The following ZFYVE9 variants were observed in gnomAD, a reference collection of about 807,000 sequenced individuals.
ZFYVE9 encodes the protein zinc finger FYVE-type containing 9.
Under a neutral mutation model 126.7 loss-of-function variants are expected in ZFYVE9, and 43 were observed. The observed-to-expected ratio is 0.34, with a 90% CI of 0.27 to 0.44. The LOEUF is 0.44. ZFYVE9 is among the 20% of genes least tolerant of loss of function. The probability of loss-of-function intolerance (pLI) is 1.00; values close to 1 mark genes in which losing one functional copy is unlikely to be tolerated. For synonymous variants in ZFYVE9, 521 were observed against 597.4 expected (o/e 0.87, Z 1.87); for missense variants, 1,476 against 1,697.0 (o/e 0.87, Z 2.29).
chr1:52,299,044 A>G (rs892649598), intron 12 of ZFYVE9, among the ~76,000 whole-genome samples: 6 of 151,768 alleles, frequency 4.0e-5, no homozygotes, highest in African/African-American at 1.2e-4. Context: ...TCCTGACCTC[A>G]TGATCCGCCC....
chr1:52,283,855 G>C (rs997264656), intron 10 of ZFYVE9, among the ~76,000 whole-genome samples: 7 of 152,058 alleles, frequency 4.6e-5, no homozygotes, highest in African/African-American at 1.7e-4. Flanking sequence ...ATAATATATA[G>C]ATTATACCTC....
intron 4 of ZFYVE9, among the ~76,000 whole-genome samples, chr1:52,262,826 C>A (rs1373050067): frequency 6.6e-6 from 1 of 152,034 alleles, no homozygotes; most frequent in African/African-American, 2.4e-5. Flanking sequence ...AATCCCAGCA[C>A]TTTGGGAGGC....
At chr1:52,311,512 G>A (rs1466998160) in intron 13 of ZFYVE9, among the ~76,000 whole-genome samples, 6 of 151,806 alleles carry the variant, frequency 4.0e-5, no homozygotes, top group Middle Eastern at 3.4e-3. Flanking sequence ...TGTTCTGTCC[G>A]CCTCAGCCTC....
intron 1 of ZFYVE9, among the ~76,000 whole-genome samples, chr1:52,196,704 G>A (rs1200950808): frequency 6.6e-6 from 1 of 152,118 alleles, no homozygotes; most frequent in Non-Finnish European, 1.5e-5. Flanking sequence ...ATTATTAATT[G>A]TATAGCATTT....
chr1:52,208,989 T>C (rs1369185711), intron 1 of ZFYVE9, among the ~76,000 whole-genome samples: 2 of 152,242 alleles, frequency 1.3e-5, no homozygotes, highest in African/African-American at 4.8e-5. Context: ...TATTTTAATT[T>C]GATTTACAAG....
At chr1:52,235,020 G>C (rs1028877767) in intron 3 of ZFYVE9, among the ~76,000 whole-genome samples, 3 of 152,082 alleles carry the variant, frequency 2.0e-5, no homozygotes, top group African/African-American at 7.2e-5. Flanking sequence ...CTATTAGGGT[G>C]CTTTGTGTAT....
chr1:52,148,244 G>A (rs1468919190), intron 1 of ZFYVE9, among the ~76,000 whole-genome samples: 13 of 152,014 alleles, frequency 8.6e-5, no homozygotes, highest in Admixed American at 5.9e-4. Flanking sequence ...GGAGGCTGAG[G>A]TGGGCCGATC....
chr1:52,321,037 A>T (rs1646235600), intron 13 of ZFYVE9, among the ~76,000 whole-genome samples: 1 of 152,230 alleles, frequency 6.6e-6, no homozygotes, highest in East Asian at 1.9e-4. Flanking sequence ...ATAGGAATAG[A>T]GAAGTTTATG....
At chr1:52,341,265 G>T (rs1272585651) in intron 17 of ZFYVE9, among the ~76,000 whole-genome samples, 1 of 152,170 alleles carries the variant, frequency 6.6e-6, no homozygotes, top group South Asian at 2.1e-4. Flanking sequence ...TAATTAACTT[G>T]CTCAAGATTA....
chr1:52,229,501 A>C lies in ZFYVE9; in HGVS notation c.-36-3670A>C, dbSNP rs373295485. On this transcript the variant is annotated intron_variant, in intron 2 of 18. Coordinates refer to ENST00000287727, the MANE Select transcript of ZFYVE9 (RefSeq NM_004799.4). ...TTTCTTCCCCAATAATAATTTACTT[A>C]ATAGTTTAGCATCCATTTTTGATGC... 1.6e-4 allele frequency among the ~76,000 whole-genome samples: 25 copies of C among 152,368 alleles called. No individual in the cohort carries two copies. In the East Asian group the frequency reaches 4.4e-3, roughly 27 times the overall value.
intron 13 of ZFYVE9, among the ~76,000 whole-genome samples, chr1:52,310,259 C>T (rs567721906): frequency 1.3e-5 from 2 of 152,198 alleles, no homozygotes; most frequent in African/African-American, 4.8e-5. Context: ...TTGCACTGGG[C>T]CTCATGTTGT....
intron 2 of ZFYVE9, among the ~76,000 whole-genome samples, chr1:52,217,500 G>A (rs1383340569): frequency 2.0e-5 from 3 of 152,176 alleles, no homozygotes; most frequent in Admixed American, 6.5e-5. Context: ...ATCAAGGTGC[G>A]AGAGCTTATC....
chr1:52,313,631 A>G (rs906528539), intron 13 of ZFYVE9, among the ~76,000 whole-genome samples: 53 of 152,232 alleles, frequency 3.5e-4, no homozygotes, highest in African/African-American at 1.3e-3. Context: ...AGCCAGAGTG[A>G]CAAAGGTTCT....
intron 2 of ZFYVE9, among the ~76,000 whole-genome samples, chr1:52,220,434 C>T (rs573791112): frequency 3.9e-5 from 6 of 152,296 alleles, no homozygotes; most frequent in Non-Finnish European, 8.8e-5. Flanking sequence ...AGATGGTCTA[C>T]TATGACTAGT....
chr1:52,261,915 A>G (rs2147795271), intron 4 of ZFYVE9, among the ~76,000 whole-genome samples: 2 of 152,348 alleles, frequency 1.3e-5, no homozygotes, highest in Admixed American at 1.3e-4. Flanking sequence ...GTAATTTAGT[A>G]TGAAGTAGTA....
chr1:52,318,370 ATGTG>A (rs59683935), intron 13 of ZFYVE9, among the ~76,000 whole-genome samples: 6,249 of 144,284 alleles, frequency 0.043, 360 homozygotes, highest in African/African-American at 0.14. Flanking sequence ...GCATGATTGT[ATGTG>A]TGTGTGTGTG....
Position 52,189,062 on chromosome 1 carries a change from C to G in ZFYVE9, c.-142-27307C>G, listed in dbSNP as rs914242196. Among the ~76,000 whole-genome samples the G allele has an allele frequency of 2.0e-5, 3 of 151,762 alleles. No homozygotes were observed. In the South Asian group the frequency reaches 6.2e-4, roughly 32 times the overall value. ...GAGTGATTCTTCTGCCTCAGCCTCCCGAGTAGGTGGGATTACAGGCACCTA... is the reference window on the plus strand; with the variant it reads ...GAGTGATTCTTCTGCCTCAGCCTCCGGAGTAGGTGGGATTACAGGCACCTA... On this transcript the variant is annotated intron_variant, in intron 1 of 18. Transcript: ENST00000287727.
At chr1:52,293,785 T>G (rs1322166266) in intron 11 of ZFYVE9, 108 bp downstream of exon 11, 2 of 1,112,114 alleles carry the variant, frequency 1.8e-6, no homozygotes, top group African/African-American at 3.2e-5. Context: ...TCTTTTGAAA[T>G]AGCTAAACTA....
rs377487057 is a variant in ZFYVE9 at position 52,263,763 on chromosome 1, C to G, written c.2179-10C>G. 19,577 of 995,132 alleles carry G rather than the reference C, an allele frequency of 0.02. 2,616 individuals are homozygous for G. The highest frequency in any genetic ancestry group is 0.11 in the Middle Eastern group (470 of 4,444). The allele number at this position is 995,132 out of a possible 1,614,324, so 61.6% of individuals were successfully genotyped here. On this transcript the variant is annotated splice_polypyrimidine_tract_variant and intron_variant, in intron 4 of 18. Transcript: ENST00000287727. ...AATTTTGTGTGTTCTTCCCCCCCCC[C>G]CCCCCACAGGTTTTCTGTGCTTCCT...
Sources: gnomAD v4.1 joint callset for allele counts (sites outside exome capture counted in the v4.1 genomes callset) on GRCh38, gnomAD v4.1.1 for gene constraint, MANE v1.5 for transcripts, NCBI Gene and HGNC (gene_info 2026-07-23, HGNC 2026-07-21) for gene names.